Variants in TNFAIP8 observed in about 807,000 individuals in gnomAD.
The protein encoded by TNFAIP8 is tumor necrosis factor alpha-induced protein 8.
Under a neutral mutation model 13.3 loss-of-function variants are expected in TNFAIP8, and 7 were observed. The observed-to-expected ratio is 0.52, with a 90% confidence interval of 0.30 to 0.99. TNFAIP8 has a LOEUF of 0.99. Among genes scored for constraint, TNFAIP8 ranks in the 50% least tolerant of loss-of-function variants. The pLI, the probability that TNFAIP8 is intolerant of heterozygous loss-of-function variation, is 0.07. For missense variants in TNFAIP8, 258 were observed against 236.9 expected, an observed-to-expected ratio of 1.09 and a Z score of -0.58; for synonymous variants, 94 against 87.6, an observed-to-expected ratio of 1.07 and a Z score of -0.41.
In TNFAIP8 at chr5:119,396,326, T is replaced by A. The variant is rs1456880999; in HGVS notation, c.*2945T>A. On this transcript the variant is annotated 3_prime_UTR_variant, in exon 2 of 2. Coordinates refer to ENST00000504771, the MANE Select transcript of TNFAIP8 (RefSeq NM_014350.4). Reference sequence around the variant, plus strand: ...TCTGTGTAGATGTTGTACAAAGACATTTTTCAAAGTTTTCAACATGACTCC... The same window carrying A: ...TCTGTGTAGATGTTGTACAAAGACAATTTTCAAAGTTTTCAACATGACTCC... The A allele has an allele frequency of 6.6e-6, 1 of 152,166 alleles. No individual in the cohort carries two copies. The highest frequency in any genetic ancestry group is 1.5e-5 in the Non-Finnish European group (1 of 68,036). The allele number at this position is 152,166 out of a possible 1,614,324, so 9.4% of individuals were successfully genotyped here.
chr5:119,355,275 A>C (rs535546843), upstream of TNFAIP8: 35 of 700,644 alleles, frequency 5.0e-5, 1 homozygote, highest in South Asian at 4.8e-4. Context: ...TCTCCCCCTG[A>C]GGAAGGCCCT....
intron 1 of TNFAIP8, among the ~76,000 whole-genome samples, chr5:119,371,915 A>G (rs1580432798): frequency 6.6e-6 from 1 of 152,022 alleles, no homozygotes; most frequent in South Asian, 2.1e-4. Context: ...AAGCGGGCAG[A>G]TCACAAAGTC....
At position 119,373,385 on chromosome 5, in the gene TNFAIP8, T is replaced by C. The variant is rs1259744145; in HGVS notation, c.31+17264T>C. On this transcript the variant is annotated intron_variant, in intron 1 of 1. Coordinates refer to ENST00000504771, the MANE Select transcript of TNFAIP8 (RefSeq NM_014350.4). ...TTTCATTTAGAAGCTTGTTTGGAAT[T>C]CTAAAAAGTCACTTCAAAACTTTCC... Among the ~76,000 whole-genome samples, 3 of 152,214 alleles carry C rather than the reference T, an allele frequency of 2.0e-5. No homozygotes were observed. In the East Asian group the frequency reaches 5.8e-4, roughly 29 times the overall value.
At chr5:119,303,459 G>A (rs909006078) in intron 1 of TNFAIP8, among the ~76,000 whole-genome samples, 2 of 152,146 alleles carry the variant, frequency 1.3e-5, no homozygotes, top group African/African-American at 2.4e-5. Flanking sequence ...AGATGGACCT[G>A]TGCCTCTTGT....
intron 1 of TNFAIP8, among the ~76,000 whole-genome samples, chr5:119,348,196 G>A (rs1750977137): frequency 1.3e-5 from 2 of 152,168 alleles, no homozygotes; most frequent in Non-Finnish European, 2.9e-5. Context: ...GAATGCTCAC[G>A]ATAATCAATA....
At chr5:119,374,769 C>G (rs950048627) in intron 1 of TNFAIP8, among the ~76,000 whole-genome samples, 1 of 152,184 alleles carries the variant, frequency 6.6e-6, no homozygotes, top group African/African-American at 2.4e-5. Flanking sequence ...GGAGAGGACC[C>G]TGTGTTTCCC....
At chr5:119,334,928 A>G (rs1175610226) in intron 1 of TNFAIP8, among the ~76,000 whole-genome samples, 2 of 152,170 alleles carry the variant, frequency 1.3e-5, no homozygotes, top group African/African-American at 4.8e-5. Context: ...AAAGACGTGT[A>G]CATAAAGCTT....
intron 1 of TNFAIP8, among the ~76,000 whole-genome samples, chr5:119,278,042 A>T (rs951765935): frequency 6.6e-6 from 1 of 152,198 alleles, no homozygotes; most frequent in Admixed American, 6.5e-5. Flanking sequence ...ACACCTTCAG[A>T]CCATAGCAGG....
At chr5:119,326,419 G>A (rs983519455) in intron 1 of TNFAIP8, among the ~76,000 whole-genome samples, 9 of 152,276 alleles carry the variant, frequency 5.9e-5, no homozygotes, top group African/African-American at 2.2e-4. Context: ...GAAAGAATCC[G>A]AGGGGCTGAG....
intron 1 of TNFAIP8, among the ~76,000 whole-genome samples, chr5:119,390,260 A>G (rs912406714): frequency 6.6e-6 from 1 of 152,200 alleles, no homozygotes; most frequent in African/African-American, 2.4e-5. Flanking sequence ...AATCCTGGTT[A>G]TCTGCTGAGT....
intron 1 of TNFAIP8, among the ~76,000 whole-genome samples, chr5:119,382,375 G>GTGT (rs771798710): frequency 2.0e-5 from 3 of 152,304 alleles, no homozygotes; most frequent in East Asian, 3.9e-4. Flanking sequence ...AAGAGGGATA[G>GTGT]TGTTATTTAT....
chr5:119,354,297 TG>T (rs1422676048), upstream of TNFAIP8: 1 of 152,216 alleles, frequency 6.6e-6, no homozygotes, highest in East Asian at 1.9e-4. Context: ...TCTGCAACAC[TG>T]ATATTTTCCA....
intron 1 of TNFAIP8, among the ~76,000 whole-genome samples, chr5:119,320,919 A>G (rs1750034757): frequency 6.6e-6 from 1 of 151,766 alleles, no homozygotes; most frequent in South Asian, 2.1e-4. Context: ...ACAAAAAACT[A>G]AAAAAGACTA....
chr5:119,358,832 T>C (rs543951214), intron 1 of TNFAIP8, among the ~76,000 whole-genome samples: 6 of 152,152 alleles, frequency 3.9e-5, no homozygotes, highest in South Asian at 2.1e-4. Context: ...TGTTGAAGCA[T>C]TGATACCAGA....
At chr5:119,387,452 T>A (rs1199979443) in intron 1 of TNFAIP8, among the ~76,000 whole-genome samples, 1 of 152,096 alleles carries the variant, frequency 6.6e-6, no homozygotes, top group Non-Finnish European at 1.5e-5. Flanking sequence ...TGTTAAAGAG[T>A]CCCAAGTATA....
intron 1 of TNFAIP8, among the ~76,000 whole-genome samples, chr5:119,345,989 T>G (rs1012272537): frequency 2.0e-5 from 3 of 152,124 alleles, no homozygotes; most frequent in African/African-American, 7.2e-5. Flanking sequence ...AACAGAGGAA[T>G]AGCAGATATA....
At chr5:119,300,464 G>C (rs1749351809) in intron 1 of TNFAIP8, among the ~76,000 whole-genome samples, 2 of 152,170 alleles carry the variant, frequency 1.3e-5, no homozygotes, top group Admixed American at 1.3e-4. Flanking sequence ...TAAAAGCACT[G>C]AGTAATGGAA....
At chr5:119,284,395 A>G (rs1213460799) in intron 1 of TNFAIP8, among the ~76,000 whole-genome samples, 1 of 152,148 alleles carries the variant, frequency 6.6e-6, no homozygotes, top group Non-Finnish European at 1.5e-5. Context: ...AGAGCTATTT[A>G]AAAATCCCTG....
At chr5:119,346,082 G>A (rs1339828229) in intron 1 of TNFAIP8, among the ~76,000 whole-genome samples, 1 of 152,184 alleles carries the variant, frequency 6.6e-6, no homozygotes, top group Non-Finnish European at 1.5e-5. Context: ...TTGCTGGAGA[G>A]GTCATGGCCT....
Sources: gnomAD v4.1 joint callset for allele counts (sites outside exome capture counted in the v4.1 genomes callset) on GRCh38, gnomAD v4.1.1 for gene constraint, MANE v1.5 for transcripts, NCBI Gene and HGNC (gene_info 2026-07-23, HGNC 2026-07-21) for gene names.